The following CNTN5 variants were observed in gnomAD, a reference collection of about 807,000 sequenced individuals.
The protein encoded by CNTN5 is contactin 5.
CNTN5 carries 77 observed loss-of-function variants against 129.1 expected under a neutral mutation model. That is an observed-to-expected ratio of 0.60 (90% CI 0.50 to 0.72). The LOEUF (loss-of-function observed/expected upper bound fraction) is 0.72. CNTN5 is among the 30% of genes least tolerant of loss of function. CNTN5 has a pLI of 0.00. For synonymous variants in CNTN5, 509 were observed against 465.6 expected (o/e 1.09, Z -1.20); for missense variants, 1,478 against 1,328.8 (o/e 1.11, Z -1.75).
intron 3 of CNTN5, among the ~76,000 whole-genome samples, chr11:99,737,962 G>A (rs10750390): frequency 0.16 from 24,861 of 152,050 alleles, 2,089 homozygotes; most frequent in Middle Eastern, 0.19. Flanking sequence ...CATCCTTAGT[G>A]AAATATATTT....
At chr11:99,551,269 T>G (rs1353493369) in intron 2 of CNTN5, among the ~76,000 whole-genome samples, 1 of 152,174 alleles carries the variant, frequency 6.6e-6, no homozygotes, top group Non-Finnish European at 1.5e-5. Context: ...AATACAGAAT[T>G]AAATATTAGA....
intron 16 of CNTN5, among the ~76,000 whole-genome samples, chr11:100,240,037 A>T (rs569644106): frequency 8.8e-4 from 134 of 152,334 alleles, no homozygotes; most frequent in Non-Finnish European, 1.5e-3. Flanking sequence ...ATGTTTTATC[A>T]CCTGATCTGT....
At chr11:99,274,736 G>A (rs377706588) in intron 1 of CNTN5, among the ~76,000 whole-genome samples, 13 of 151,088 alleles carry the variant, frequency 8.6e-5, no homozygotes, top group East Asian at 3.9e-4. Context: ...CTGACACTTC[G>A]TAGCTTTGAG....
At chr11:99,031,520 G>A (rs1043160073) in intron 1 of CNTN5, among the ~76,000 whole-genome samples, 1 of 151,484 alleles carries the variant, frequency 6.6e-6, no homozygotes, top group Non-Finnish European at 1.5e-5. Flanking sequence ...GGATAGAGAG[G>A]AAAAAAAGGT....
intron 6 of CNTN5, among the ~76,000 whole-genome samples, chr11:99,850,600 C>T (rs916378917): frequency 6.6e-6 from 1 of 151,992 alleles, no homozygotes; most frequent in Non-Finnish European, 1.5e-5. Context: ...TTAATGTTTA[C>T]CTCTTTCGAA....
intron 1 of CNTN5, among the ~76,000 whole-genome samples, chr11:99,050,435 A>G (rs1864380659): frequency 6.6e-6 from 1 of 151,962 alleles, no homozygotes; most frequent in African/African-American, 2.4e-5. Flanking sequence ...TACATTAACT[A>G]TTAATATTAG....
chr11:99,957,761 A>G (rs1950841173), intron 8 of CNTN5, among the ~76,000 whole-genome samples: 1 of 152,120 alleles, frequency 6.6e-6, no homozygotes, highest in Non-Finnish European at 1.5e-5. Context: ...GTTTTTTCAT[A>G]TGCTTGGTTT....
At chr11:99,376,869 A>G (rs1164655488) in intron 2 of CNTN5, among the ~76,000 whole-genome samples, 1 of 152,192 alleles carries the variant, frequency 6.6e-6, no homozygotes, top group African/African-American at 2.4e-5. Flanking sequence ...ATGATGCACA[A>G]TGACAGCTTG....
At chr11:99,762,933 A>G (rs1052332121) in intron 3 of CNTN5, among the ~76,000 whole-genome samples, 3 of 152,096 alleles carry the variant, frequency 2.0e-5, no homozygotes, top group Non-Finnish European at 4.4e-5. Context: ...TAAAAGCTTC[A>G]TGCATTCCCC....
rs560039711 is a variant in CNTN5 at position 99,289,676 on chromosome 11, C to A, written c.-209-35670C>A. ...CCAGAGCAGCTTTTAATCTTTCAGA[C>A]CCATTTTTTATCTCCTGACATATGC... On this transcript the variant is annotated intron_variant, in intron 1 of 24. Transcript: ENST00000524871. Among the ~76,000 whole-genome samples, 4 of 151,918 alleles carry A rather than the reference C, an allele frequency of 2.6e-5. No homozygotes were observed. In the East Asian group the frequency reaches 7.7e-4, roughly 29 times the overall value.
intron 3 of CNTN5, among the ~76,000 whole-genome samples, chr11:99,674,898 T>C (rs72983653): frequency 0.057 from 8,638 of 152,256 alleles, 331 homozygotes; most frequent in Middle Eastern, 0.099. Flanking sequence ...CTCTGAGCTT[T>C]CTCTTACCCT....
intron 6 of CNTN5, among the ~76,000 whole-genome samples, chr11:99,867,026 T>C (rs78341726): frequency 0.033 from 5,010 of 152,314 alleles, 204 homozygotes; most frequent in Admixed American, 0.092. Flanking sequence ...ACATAGACTA[T>C]ATTGAAGAAG....
intron 1 of CNTN5, among the ~76,000 whole-genome samples, chr11:99,086,192 C>T (rs1261981832): frequency 6.6e-6 from 1 of 152,184 alleles, no homozygotes; most frequent in Non-Finnish European, 1.5e-5. Flanking sequence ...GTCGCTGGAG[C>T]CTCTCCCAGC....
At chr11:99,523,044 G>T (rs1947327266) in intron 2 of CNTN5, among the ~76,000 whole-genome samples, 1 of 152,108 alleles carries the variant, frequency 6.6e-6, no homozygotes, top group Admixed American at 6.5e-5. Flanking sequence ...TTCACATTAT[G>T]TTCCAGCAAT....
At chr11:99,583,450 C>T (rs1442998413) in intron 3 of CNTN5, among the ~76,000 whole-genome samples, 3 of 152,222 alleles carry the variant, frequency 2.0e-5, no homozygotes, top group Admixed American at 2.0e-4. Context: ...AGGCAGGCCT[C>T]CTTGAGCTGT....
chr11:99,377,899 T>C (rs1940286293), intron 2 of CNTN5, among the ~76,000 whole-genome samples: 1 of 152,074 alleles, frequency 6.6e-6, no homozygotes, highest in Admixed American at 6.6e-5. Context: ...CTTTAACACT[T>C]TAATTTTAAC....
At chr11:100,032,187 G>A (rs529199965) in intron 9 of CNTN5, among the ~76,000 whole-genome samples, 10 of 152,178 alleles carry the variant, frequency 6.6e-5, no homozygotes, top group African/African-American at 2.4e-4. Flanking sequence ...ATTCTGAGAA[G>A]GCAGTCATTC....
chr11:99,287,666 T>C (rs1280366432), intron 1 of CNTN5, among the ~76,000 whole-genome samples: 1 of 152,186 alleles, frequency 6.6e-6, no homozygotes, highest in African/African-American at 2.4e-5. Flanking sequence ...TCATAGTGAA[T>C]AGATAATATT....
In CNTN5 at chr11:99,086,692, A is replaced by G. The variant is rs552086269; in HGVS notation, c.-210+65422A>G. Among the ~76,000 whole-genome samples the G allele has an allele frequency of 2.0e-5, 3 of 152,304 alleles. No homozygotes were observed. The East Asian group carries it at 5.8e-4, about 29-fold the overall frequency. On this transcript the variant is annotated intron_variant, in intron 1 of 24. Coordinates refer to ENST00000524871, the MANE Select transcript of CNTN5 (RefSeq NM_014361.4). ...TAACCAAGAATATAAACATGCATGA[A>G]CTAGTGTAGTTATTGGTATGGAATC... is the stretch of plus-strand genomic sequence containing the variant.
Sources: gnomAD v4.1 joint callset for allele counts (sites outside exome capture counted in the v4.1 genomes callset) on GRCh38, gnomAD v4.1.1 for gene constraint, MANE v1.5 for transcripts, NCBI Gene and HGNC (gene_info 2026-07-23, HGNC 2026-07-21) for gene names.